The following SMTNL2 variants were observed in gnomAD, a reference collection of about 807,000 sequenced individuals.
SMTNL2 encodes the protein smoothelin-like protein 2.
A neutral mutation model predicts 44.1 loss-of-function variants in SMTNL2; 43 were observed. That is an observed-to-expected ratio of 0.98 (90% CI 0.76 to 1.26). The LOEUF is 1.26. SMTNL2 is among the 50% of genes most tolerant of loss of function. The probability of loss-of-function intolerance (pLI) is 0.00; values close to 1 mark genes in which losing one functional copy is unlikely to be tolerated. For synonymous variants in SMTNL2, 317 were observed against 287.6 expected, an observed-to-expected ratio of 1.10 and a Z score of -1.03; for missense variants, 646 against 670.2, an observed-to-expected ratio of 0.96 and a Z score of 0.40.
At chr17:4,586,148 C>T (rs1179683237) in intron 1 of SMTNL2, among the ~76,000 whole-genome samples, 1 of 152,152 alleles carries the variant, frequency 6.6e-6, no homozygotes, top group Non-Finnish European at 1.5e-5. Flanking sequence ...TCGAGGTATG[C>T]GAGTGGAGTG....
chr17:4,594,843 C>T (rs1909739446), intron 4 of SMTNL2, among the ~76,000 whole-genome samples: 1 of 152,108 alleles, frequency 6.6e-6, no homozygotes, highest in Non-Finnish European at 1.5e-5. Context: ...GTTCTGAGCA[C>T]ACCTCCTGCC....
At chr17:4,590,536 T>C (rs1909530846) in intron 1 of SMTNL2, among the ~76,000 whole-genome samples, 1 of 152,108 alleles carries the variant, frequency 6.6e-6, no homozygotes, top group South Asian at 2.1e-4. Flanking sequence ...CCTCCTCAGC[T>C]CCCTGATGCT....
At chr17:4,604,775 G>A (rs553950467) in intron 7 of SMTNL2, among the ~76,000 whole-genome samples, 11 of 152,090 alleles carry the variant, frequency 7.2e-5, no homozygotes, top group Non-Finnish European at 1.2e-4. Context: ...GGGTTCAAGC[G>A]ATTCTCCAGC....
Position 4,597,455 on chromosome 17 carries a change from G to A in SMTNL2, c.1259+132G>A. On this transcript the variant is annotated intron_variant, in intron 7 of 7. Transcript: ENST00000389313. The stretch of plus-strand genomic sequence containing the variant: ...CAAAGCTGAAGGACCCTGGGGCCAT[G>A]TGGTCTGTGTACCTCTTGTGCAGAT... The A allele has an allele frequency of 4.0e-6, 5 of 1,262,820 alleles. No individual in the cohort carries two copies. In the South Asian group the frequency reaches 7.2e-5, roughly 18 times the overall value. 78.2% of individuals were successfully genotyped at this position (1,262,820 alleles called of 1,614,324 possible).
chr17:4,606,358 G>A (rs1283327766), intron 7 of SMTNL2, among the ~76,000 whole-genome samples: 1 of 151,754 alleles, frequency 6.6e-6, no homozygotes, highest in Non-Finnish European at 1.5e-5. Flanking sequence ...CTGACCTCAG[G>A]TGACCCGCCT....
chr17:4,584,722 GC>G lies in SMTNL2; in HGVS notation c.118del (p.Arg40AlafsTer38). 1 of 1,305,202 alleles carries G rather than the reference GC, an allele frequency of 7.7e-7. No homozygotes were observed. The highest frequency in any genetic ancestry group is 9.7e-7 in the Non-Finnish European group (1 of 1,030,856). The allele number at this position is 1,305,202 out of a possible 1,614,324, so 80.9% of individuals were successfully genotyped here. On this transcript the variant is annotated frameshift_variant, in exon 1 of 8. Coordinates refer to ENST00000389313, the MANE Select transcript of SMTNL2 (RefSeq NM_001114974.2). LOFTEE classifies it high-confidence loss of function. ...ALHEDMRGLQ[R>X]GVERRVAEAM... ...TGCACGAGGACATGCGGGGGCTGCA[GC>G]GCGGCGTGGAGCGGCGAGTGGCAGA... is the stretch of plus-strand genomic sequence containing the variant.
chr17:4,590,593 A>G (rs2150519854), intron 1 of SMTNL2, among the ~76,000 whole-genome samples: 1 of 152,188 alleles, frequency 6.6e-6, no homozygotes, highest in Middle Eastern at 3.4e-3. Context: ...ACCCTCATTT[A>G]GCCCCTAAAC....
chr17:4,596,898 A>G lies in SMTNL2; in HGVS notation c.1028A>G (p.Gln343Arg). Residue 343 changes from glutamine to arginine, a missense_variant, in exon 6 of 8, where the codon CAG (glutamine) becomes CGG (arginine). Transcript: ENST00000389313. ...GEARARLKRS[Q>R]SFGVASASSI... ...GCCCGGGCCAGGCTGAAGCGGTCGCAGAGCTTCGGCGTGGCCAGCGCCAGC... is the reference window on the plus strand; with the variant it reads ...GCCCGGGCCAGGCTGAAGCGGTCGCGGAGCTTCGGCGTGGCCAGCGCCAGC... 1 of 1,517,634 alleles carries G rather than the reference A, an allele frequency of 6.6e-7. No homozygotes were observed. The allele number at this position is 1,517,634 out of a possible 1,614,324, so 94.0% of individuals were successfully genotyped here.
chr17:4,587,057 G>C (rs1443676631), intron 1 of SMTNL2, among the ~76,000 whole-genome samples: 1 of 152,174 alleles, frequency 6.6e-6, no homozygotes, highest in African/African-American at 2.4e-5. Flanking sequence ...AAACCAGACC[G>C]GGGAACTGCC....
At chr17:4,589,237 G>A (rs2326068) in intron 1 of SMTNL2, among the ~76,000 whole-genome samples, 121,245 of 151,264 alleles carry the variant, frequency 0.8, 48,507 homozygotes, top group Admixed American at 0.82. Flanking sequence ...TCTGCGGAGG[G>A]CCTCCCACCC....
At chr17:4,591,769 G>T (rs920194385) in intron 1 of SMTNL2, among the ~76,000 whole-genome samples, 2 of 151,998 alleles carry the variant, frequency 1.3e-5, no homozygotes, top group Non-Finnish European at 2.9e-5. Flanking sequence ...TGGCTGTCTT[G>T]TCTGCCCCCA....
chr17:4,597,458 G>A (rs1417417384), intron 7 of SMTNL2, 135 bp downstream of exon 7: 3 of 1,240,816 alleles, frequency 2.4e-6, no homozygotes, highest in East Asian at 4.9e-5. Context: ...GGGCCATGTG[G>A]TCTGTGTACC....
Position 4,585,377 on chromosome 17 carries a change from C to G in SMTNL2, c.399+373C>G, listed in dbSNP as rs568961296. Among the ~76,000 whole-genome samples the G allele has an allele frequency of 1.8e-4, 27 of 152,376 alleles. No homozygotes were observed. The East Asian group carries it at 4.6e-3, about 26-fold the overall frequency. The stretch of plus-strand genomic sequence containing the variant: ...CATGTTGGAATGGTCGACACCCCTG[C>G]CTGACCCCCACCCTCCATTCACGCT... On this transcript the variant is annotated intron_variant, in intron 1 of 7. Transcript: ENST00000389313.
chr17:4,584,717 C>G lies in SMTNL2; in HGVS notation c.112C>G (p.Leu38Val). Residue 38 changes from leucine (L) to valine (V), a missense_variant, in exon 1 of 8, where the codon CTG becomes GTG. Transcript: ENST00000389313. The part of the protein sequence containing the change: ...VRALHEDMRG[L>V]QRGVERRVAE... Reference sequence around the variant, plus strand: ...CGCGCTGCACGAGGACATGCGGGGGCTGCAGCGCGGCGTGGAGCGGCGAGT... The same window carrying G: ...CGCGCTGCACGAGGACATGCGGGGGGTGCAGCGCGGCGTGGAGCGGCGAGT... The G allele has an allele frequency of 2.3e-6, 3 of 1,304,088 alleles. No homozygotes were observed. The highest frequency in any genetic ancestry group is 2.9e-6 in the Non-Finnish European group (3 of 1,030,396). The allele number at this position is 1,304,088 out of a possible 1,614,324, so 80.8% of individuals were successfully genotyped here.
rs796863542 is a variant in SMTNL2, at chr17:4,606,642, C to T, written c.1260-719C>T. On this transcript the variant is annotated intron_variant, in intron 7 of 7. Coordinates refer to ENST00000389313, the MANE Select transcript of SMTNL2 (RefSeq NM_001114974.2). ...TAGCTGGGCCGGGCGTGGTGTCTCA[C>T]GCCTGTAATCACAGCACTTTGGGAG... is the stretch of plus-strand genomic sequence containing the variant. Among the ~76,000 whole-genome samples, 10 of 151,602 alleles carry T rather than the reference C, an allele frequency of 6.6e-5. 1 individual carries two copies. Among genetic ancestry groups the T allele is most frequent in the African/African-American group, 1.2e-4 (5 of 41,328 alleles).
intron 1 of SMTNL2, among the ~76,000 whole-genome samples, chr17:4,586,489 A>T (rs761797498): frequency 7.1e-6 from 1 of 141,628 alleles, no homozygotes; most frequent in Non-Finnish European, 1.5e-5. Flanking sequence ...TCACATATAC[A>T]TGTAGATGTG....
At position 4,584,766 on chromosome 17, in the gene SMTNL2, G is replaced by A; in HGVS notation, c.161G>A (p.Gly54Asp). Residue 54 changes from glycine to aspartate, a missense_variant, in exon 1 of 8, where the codon GGC (glycine) becomes GAC (aspartate). By Grantham distance (94) the Gly-to-Asp change is moderately conservative (BLOSUM62 -1). Coordinates refer to ENST00000389313, the MANE Select transcript of SMTNL2 (RefSeq NM_001114974.2). ...RRVAEAMRLAGPLARTVADLQ... is the reference protein window; with the variant it reads ...RRVAEAMRLADPLARTVADLQ... ...GTGGCAGAGGCGATGCGCCTGGCCG[G>A]CCCCCTGGCGCGCACGGTGGCCGAC... 3 of 1,306,604 alleles carry A rather than the reference G, an allele frequency of 2.3e-6. No homozygotes were observed. The highest frequency in any genetic ancestry group is 2.9e-6 in the Non-Finnish European group (3 of 1,031,124). The allele number at this position is 1,306,604 out of a possible 1,614,324, so 80.9% of individuals were successfully genotyped here. A position where few individuals can be genotyped will look rare whatever the true frequency, so the allele number is the denominator to read the frequency against.
intron 1 of SMTNL2, among the ~76,000 whole-genome samples, chr17:4,585,595 G>C (rs1488369552): frequency 6.6e-6 from 1 of 152,254 alleles, no homozygotes; most frequent in Non-Finnish European, 1.5e-5. Flanking sequence ...GCCTTGAGCC[G>C]TGTCTAGATT....
chr17:4,589,938 C>CTTTTTTTTTTTTTTTTTTT (rs780984262), intron 1 of SMTNL2, among the ~76,000 whole-genome samples: 2 of 59,792 alleles, frequency 3.3e-5, no homozygotes. Context: ...ACGCACCTGG[C>CTTTTTTTTTTTTTTTTTTT]TTTTTTTTTT....
Sources: gnomAD v4.1 joint callset for allele counts (sites outside exome capture counted in the v4.1 genomes callset) on GRCh38, gnomAD v4.1.1 for gene constraint, MANE v1.5 for transcripts, NCBI Gene and HGNC (gene_info 2026-07-23, HGNC 2026-07-21) for gene names.